Variants in ITGAV observed in about 807,000 individuals in gnomAD.
ITGAV encodes integrin alpha-V.
ITGAV carries 76 observed loss-of-function variants against 143.8 expected under a neutral mutation model. The ratio of observed to expected loss-of-function variants is 0.53; its 90% confidence interval spans 0.44 to 0.64. The LOEUF is 0.64. ITGAV is among the 30% of genes least tolerant of loss of function. The probability of loss-of-function intolerance (pLI) is 0.00; values close to 1 mark genes in which losing one functional copy is unlikely to be tolerated. For synonymous variants in ITGAV, 453 were observed against 446.7 expected, an observed-to-expected ratio of 1.01 and a Z score of -0.18; for missense variants, 1,193 against 1,274.7, an observed-to-expected ratio of 0.94 and a Z score of 0.98.
intron 15 of ITGAV, among the ~76,000 whole-genome samples, chr2:186,654,266 G>C (rs1688521741): frequency 6.6e-6 from 1 of 151,474 alleles, no homozygotes; most frequent in African/African-American, 2.4e-5. Context: ...CCAGGAGGCA[G>C]AGGTTGCAGT....
At position 186,664,529 on chromosome 2, in the gene ITGAV, C is replaced by G; in HGVS notation, c.1961C>G (p.Pro654Arg). ...AAGATCTATATTGGGGATGACAACC[C>G]TCTGACATTGATTGTTAAGGCTCAG... ...QKKIYIGDDN[P>R]LTLIVKAQNQ... The change falls in exon 20 of 30, where the codon CCT (proline) becomes CGT (arginine). Residue 654 changes from proline to arginine, a missense_variant. Transcript: ENST00000261023. The G allele has an allele frequency of 6.2e-7, 1 of 1,613,918 alleles. No homozygotes were observed. Among genetic ancestry groups the G allele is most frequent in the Non-Finnish European group, 8.5e-7 (1 of 1,179,840 alleles).
chr2:186,675,919 T>C lies in ITGAV; in HGVS notation c.2920T>C (p.Ser974Pro). 1 of 1,526,068 alleles carries C rather than the reference T, an allele frequency of 6.6e-7. No individual in the cohort carries two copies. The highest frequency in any genetic ancestry group is 9.1e-7 in the Non-Finnish European group (1 of 1,100,696). The allele number at this position is 1,526,068 out of a possible 1,614,324, so 94.5% of individuals were successfully genotyped here. ...KNLPIEDITN[S>P]TLVTTNVTWG... is the part of the protein sequence containing the mutation. ...TCTTCCAATTGAGGATATCACCAAC[T>C]CCACATTGGTAAGTCATTGGTTTAG... The change falls in exon 28 of 30, where the codon TCC becomes CCC. Residue 974 changes from serine (S) to proline (P), a missense_variant. By Grantham distance (74) the Ser-to-Pro change is moderately conservative. Coordinates refer to ENST00000261023, the MANE Select transcript of ITGAV (RefSeq NM_002210.5).
rs757090327 is a variant in ITGAV, at chr2:186,668,771, A to G, written c.2443A>G (p.Asn815Asp). 1 of 1,612,740 alleles carries G rather than the reference A, an allele frequency of 6.2e-7. No individual in the cohort carries two copies. The highest frequency in any genetic ancestry group is 8.5e-7 in the Non-Finnish European group (1 of 1,179,712). The change falls in exon 25 of 30, where the codon AAT (asparagine) becomes GAT (aspartate). Residue 815 changes from asparagine to aspartate, a missense_variant. Coordinates refer to ENST00000261023, the MANE Select transcript of ITGAV (RefSeq NM_002210.5). ...TCTTTTTTCTCCTTAGCTGAGAAACAATGGTCCAAGTTCATTCAGCAAGGC... is the reference window on the plus strand; with the variant it reads ...TCTTTTTTCTCCTTAGCTGAGAAACGATGGTCCAAGTTCATTCAGCAAGGC... ...VVQHIYELRN[N>D]GPSSFSKAML... is the part of the protein sequence containing the mutation.
At chr2:186,591,709 G>T (rs1423840955) in intron 1 of ITGAV, among the ~76,000 whole-genome samples, 1 of 152,128 alleles carries the variant, frequency 6.6e-6, no homozygotes, top group Non-Finnish European at 1.5e-5. Context: ...GAATGTTACT[G>T]AGTATCATTC....
At chr2:186,616,668 C>T (rs867517355) in intron 2 of ITGAV, among the ~76,000 whole-genome samples, 5 of 152,198 alleles carry the variant, frequency 3.3e-5, no homozygotes, top group Admixed American at 2.0e-4. Context: ...TCTCAAATTT[C>T]CCTTATAGTA....
At position 186,663,800 on chromosome 2, in the gene ITGAV, T is replaced by A; in HGVS notation, c.1890T>A (p.Asn630Lys). The A allele has an allele frequency of 6.2e-7, 1 of 1,613,108 alleles. No homozygotes were observed. Among genetic ancestry groups the A allele is most frequent in the African/African-American group, 1.3e-5 (1 of 75,020 alleles). The change falls in exon 19 of 30, where the codon AAT becomes AAA. Residue 630 changes from asparagine (N) to lysine (K), a missense_variant. Asn to Lys is a moderately conservative substitution (Grantham distance 94). Transcript: ENST00000261023. The part of the protein sequence containing the change: ...AHILLDCGED[N>K]VCKPKLEVSV... ...TTCTACTTGACTGTGGTGAAGACAA[T>A]GTCTGTAAACCCAAGCTGGAAGTTT...
At chr2:186,634,714 A>G (rs981415943) in intron 6 of ITGAV, among the ~76,000 whole-genome samples, 1 of 152,248 alleles carries the variant, frequency 6.6e-6, no homozygotes, top group Non-Finnish European at 1.5e-5. Context: ...AATGATTTAG[A>G]AAAATTATAA....
At chr2:186,675,530 A>C in intron 26 of ITGAV, 74 bp from the exon 27 acceptor site, 1 of 1,138,962 alleles carries the variant, frequency 8.8e-7, no homozygotes, top group Non-Finnish European at 1.3e-6. Context: ...AAAAGAAAAA[A>C]AATGGCAAAT....
chr2:186,646,050 G>A (rs1489936999), intron 12 of ITGAV, among the ~76,000 whole-genome samples: 1 of 152,150 alleles, frequency 6.6e-6, no homozygotes, highest in African/African-American at 2.4e-5. Flanking sequence ...TAGGGTGGCA[G>A]CAGCAGAGAG....
At chr2:186,635,955 A>G (rs3795865) in intron 6 of ITGAV, 127 bp from the exon 7 acceptor site, 217,737 of 682,032 alleles carry the variant, frequency 0.32, 37,244 homozygotes, top group Middle Eastern at 0.41. Flanking sequence ...AAGGAGAGTT[A>G]TGTACGGCTA....
At chr2:186,667,280 A>G (rs1688926577) in intron 23 of ITGAV, 50 bp downstream of exon 23, 1 of 1,415,028 alleles carries the variant, frequency 7.1e-7, no homozygotes, top group African/African-American at 1.4e-5. Flanking sequence ...TTGCTTTTTA[A>G]AGGTAACTGT....
At chr2:186,666,638 C>T in intron 21 of ITGAV, 66 bp from the exon 22 acceptor site, 1 of 784,550 alleles carries the variant, frequency 1.3e-6, no homozygotes, top group Non-Finnish European at 2.0e-6. Flanking sequence ...TTTATTTAGA[C>T]ATTGGATTTG....
chr2:186,602,731 G>A (rs1686946568), intron 2 of ITGAV, among the ~76,000 whole-genome samples: 1 of 152,100 alleles, frequency 6.6e-6, no homozygotes, highest in African/African-American at 2.4e-5. Flanking sequence ...ACAAAAATTT[G>A]CTGGGTGTGG....
At chr2:186,646,639 CCTTA>C (rs1239165208) in intron 12 of ITGAV, 43 bp from the exon 13 acceptor site, 7 of 1,430,170 alleles carry the variant, frequency 4.9e-6, no homozygotes, top group Middle Eastern at 1.8e-4. Context: ...TTTTCCTCCT[CCTTA>C]CTTCTGTCAT....
chr2:186,665,101 T>A, intron 20 of ITGAV, 25 bp from the exon 21 acceptor site: 1 of 1,301,452 alleles, frequency 7.7e-7, no homozygotes, highest in Non-Finnish European at 1.1e-6. Flanking sequence ...TATCCATTTT[T>A]TTTTTTTTTT....
At chr2:186,640,884 A>G (rs1251308057) in intron 10 of ITGAV, 31 bp from the exon 11 acceptor site, 2 of 1,533,246 alleles carry the variant, frequency 1.3e-6, no homozygotes, top group East Asian at 2.3e-5. Context: ...TGGATGAAAT[A>G]TAAACATTTC....
intron 4 of ITGAV, among the ~76,000 whole-genome samples, chr2:186,627,202 T>C: frequency 6.6e-6 from 1 of 152,186 alleles, no homozygotes; most frequent in East Asian, 1.9e-4. Flanking sequence ...CCACCCACTC[T>C]GGAGCATCAA....
At position 186,638,408 on chromosome 2, in the gene ITGAV, G is replaced by A; in HGVS notation, c.847-1G>A. The A allele has an allele frequency of 6.2e-7, 1 of 1,611,664 alleles. No individual in the cohort carries two copies. Among genetic ancestry groups the A allele is most frequent in the Non-Finnish European group, 8.5e-7 (1 of 1,178,240 alleles). ...CACATACTTCTATTTTTCCTTCACA[G>A]GTTTATATTTATGATGGGAAGAACA... is the stretch of plus-strand genomic sequence containing the variant. On this transcript the variant is annotated splice_acceptor_variant, in intron 9 of 29. Coordinates refer to ENST00000261023, the MANE Select transcript of ITGAV (RefSeq NM_002210.5). LOFTEE classifies it high-confidence loss of function.
chr2:186,663,730 G>T, intron 18 of ITGAV, 38 bp from the exon 19 acceptor site: 1 of 1,436,478 alleles, frequency 7.0e-7, no homozygotes, highest in Non-Finnish European at 9.8e-7. Context: ...ACCTGCATTG[G>T]TATTTTTCAT....
Sources: allele counts gnomAD v4.1 joint callset (sites outside exome capture counted in the v4.1 genomes callset), GRCh38; gene constraint gnomAD v4.1.1; transcripts MANE v1.5; gene names NCBI Gene and HGNC (gene_info 2026-07-23, HGNC 2026-07-21).